ANXA5: variants seen among roughly 807,000 people sequenced by gnomAD.
ANXA5 encodes the protein annexin A5.
Under a neutral mutation model 48.1 loss-of-function variants are expected in ANXA5, and 40 were observed. That is an observed-to-expected ratio of 0.83 (90% CI 0.65 to 1.08). The LOEUF (loss-of-function observed/expected upper bound fraction) is 1.08, where lower values mean the gene tolerates loss of function less well. Among genes scored for constraint, ANXA5 ranks in the 50% least tolerant of loss-of-function variants. ANXA5 has a pLI of 0.00. For synonymous variants in ANXA5, 113 were observed against 129.1 expected (o/e 0.88, Z 0.85); for missense variants, 357 against 376.8 (o/e 0.95, Z 0.44).
intron 3 of ANXA5, among the ~76,000 whole-genome samples, chr4:121,685,690 G>A (rs745555993): frequency 2.0e-5 from 3 of 152,212 alleles, no homozygotes; most frequent in Admixed American, 1.3e-4. Context: ...TCCTTGAGAT[G>A]AGAGGTTTTT....
At chr4:121,685,690 G>T (rs745555993) in intron 3 of ANXA5, among the ~76,000 whole-genome samples, 1 of 152,212 alleles carries the variant, frequency 6.6e-6, no homozygotes, top group Non-Finnish European at 1.5e-5. Context: ...TCCTTGAGAT[G>T]AGAGGTTTTT....
At chr4:121,678,195 T>C (rs2110482692) in intron 7 of ANXA5, 1 of 609,074 alleles carries the variant, frequency 1.6e-6, no homozygotes, top group East Asian at 2.7e-5. Flanking sequence ...AGGAACAAGA[T>C]ACTACTATCT....
intron 6 of ANXA5, among the ~76,000 whole-genome samples, chr4:121,679,279 C>T (rs1056790056): frequency 5.9e-5 from 9 of 152,168 alleles, no homozygotes; most frequent in African/African-American, 2.2e-4. Flanking sequence ...TTCTTCTACA[C>T]CAACACCTGT....
chr4:121,690,834 C>CT (rs1724970640), intron 2 of ANXA5, among the ~76,000 whole-genome samples: 1 of 152,214 alleles, frequency 6.6e-6, no homozygotes, highest in South Asian at 2.1e-4. Context: ...TTGTGAAACA[C>CT]TTTTGCTACA....
At chr4:121,692,802 G>A (rs538331080) in intron 2 of ANXA5, among the ~76,000 whole-genome samples, 1 of 152,292 alleles carries the variant, frequency 6.6e-6, no homozygotes, top group South Asian at 2.1e-4. Flanking sequence ...AAAAGACTTG[G>A]CAATGCATCT....
At chr4:121,671,806 G>A (rs1030764304) in intron 9 of ANXA5, among the ~76,000 whole-genome samples, 164 bp from the exon 10 acceptor site, 25 of 152,236 alleles carry the variant, frequency 1.6e-4, no homozygotes, top group African/African-American at 5.8e-4. Flanking sequence ...CCTAAGCAAT[G>A]GATTGTAAAT....
intron 9 of ANXA5, 45 bp downstream of exon 9, chr4:121,672,488 C>G: frequency 7.0e-7 from 1 of 1,437,380 alleles, no homozygotes; most frequent in Non-Finnish European, 9.8e-7. Context: ...ATGCACTTTC[C>G]AAATTTACCA....
intron 5 of ANXA5, 51 bp from the exon 6 acceptor site, chr4:121,681,812 G>C (rs2110485019): frequency 1.5e-6 from 2 of 1,342,650 alleles, no homozygotes; most frequent in East Asian, 4.6e-5. Flanking sequence ...TAAAAAGAAA[G>C]TTATTAAAAG....
At chr4:121,672,861 C>T (rs1724635456) in intron 8 of ANXA5, among the ~76,000 whole-genome samples, 1 of 152,160 alleles carries the variant, frequency 6.6e-6, no homozygotes, top group Non-Finnish European at 1.5e-5. Context: ...CAACAAAGCA[C>T]GGCAATGGTG....
At chr4:121,679,562 G>A (rs1274795907) in intron 6 of ANXA5, among the ~76,000 whole-genome samples, 1 of 151,946 alleles carries the variant, frequency 6.6e-6, no homozygotes, top group Non-Finnish European at 1.5e-5. Flanking sequence ...GCCTAACCTC[G>A]CTTGTTCCAT....
chr4:121,678,640 C>G, intron 6 of ANXA5, 146 bp from the exon 7 acceptor site: 1 of 697,266 alleles, frequency 1.4e-6, no homozygotes, highest in East Asian at 2.7e-5. Context: ...TCTGAATGCT[C>G]TAAGCAAATG....
At chr4:121,689,894 C>G (rs899059875) in intron 2 of ANXA5, among the ~76,000 whole-genome samples, 1 of 152,170 alleles carries the variant, frequency 6.6e-6, no homozygotes, top group Non-Finnish European at 1.5e-5. Context: ...TAGACAGGAA[C>G]TACTTAGGGT....
At chr4:121,695,032 T>G (rs1429872255) in intron 2 of ANXA5, among the ~76,000 whole-genome samples, 1 of 152,220 alleles carries the variant, frequency 6.6e-6, no homozygotes, top group Non-Finnish European at 1.5e-5. Flanking sequence ...TGATGGACCC[T>G]CAGACATCAC....
At chr4:121,696,386 C>T (rs889751036) in intron 2 of ANXA5, among the ~76,000 whole-genome samples, 195 bp downstream of exon 2, 2 of 151,936 alleles carry the variant, frequency 1.3e-5, no homozygotes, top group African/African-American at 4.8e-5. Context: ...CCGGAGGGCG[C>T]TCAGCGGGAA....
chr4:121,692,459 T>C (rs149046058), intron 2 of ANXA5, among the ~76,000 whole-genome samples: 4 of 152,348 alleles, frequency 2.6e-5, no homozygotes, highest in East Asian at 1.9e-4. Context: ...GCAGGTGGCA[T>C]TGGCCTCCCA....
At chr4:121,685,447 C>T (rs1724869868) in intron 3 of ANXA5, among the ~76,000 whole-genome samples, 2 of 152,016 alleles carry the variant, frequency 1.3e-5, no homozygotes, top group African/African-American at 2.4e-5. Flanking sequence ...AAGGCAGTGA[C>T]GAAAGGAAGG....
At chr4:121,676,873 C>T (rs577584833) in intron 8 of ANXA5, among the ~76,000 whole-genome samples, 3 of 152,184 alleles carry the variant, frequency 2.0e-5, no homozygotes, top group Non-Finnish European at 4.4e-5. Context: ...TTCAGGAACC[C>T]GGACTTTATC....
chr4:121,685,955 G>C (rs1284901271), intron 3 of ANXA5, among the ~76,000 whole-genome samples: 8 of 151,972 alleles, frequency 5.3e-5, no homozygotes, highest in Non-Finnish European at 1.0e-4. Context: ...CAAGCCACAT[G>C]TGGCCCAGGA....
intron 9 of ANXA5, among the ~76,000 whole-genome samples, chr4:121,672,219 G>A (rs1010734052): frequency 2.6e-5 from 4 of 152,150 alleles, no homozygotes; most frequent in African/African-American, 7.2e-5. Context: ...AAGGTCCTGG[G>A]TACCAACCTC....
Sources: gnomAD v4.1 joint callset for allele counts (sites outside exome capture counted in the v4.1 genomes callset) on GRCh38, gnomAD v4.1.1 for gene constraint, MANE v1.5 for transcripts, NCBI Gene and HGNC (gene_info 2026-07-23, HGNC 2026-07-21) for gene names.